Variants in ARHGEF10 observed in about 807,000 individuals in gnomAD.
ARHGEF10 encodes the protein Rho guanine nucleotide exchange factor 10.
A neutral mutation model predicts 147.4 loss-of-function variants in ARHGEF10; 140 were observed. The ratio of observed to expected loss-of-function variants is 0.95; its 90% CI spans 0.83 to 1.09. The LOEUF is 1.09. Among genes scored for constraint, ARHGEF10 ranks in the 50% least tolerant of loss-of-function variants. ARHGEF10 has a pLI of 0.00. For missense variants in ARHGEF10, 2,222 were observed against 1,752.7 expected (o/e 1.27, Z -4.78); for synonymous variants, 902 against 695.8 (o/e 1.30, Z -4.67).
In ARHGEF10 at chr8:1,923,848, G is replaced by T. The variant is rs770686265; in HGVS notation, c.2462G>T (p.Ser821Ile). Residue 821 changes from serine to isoleucine, a missense_variant, in exon 21 of 29, where the codon AGC becomes ATC. By Grantham distance (142) the Ser-to-Ile change is moderately radical. Coordinates refer to ENST00000349830, the MANE Select transcript of ARHGEF10 (RefSeq NM_014629.4). ...TPAIKESWVN[S>I]LQMAKLALEE... ...GCCATCAAGGAGTCCTGGGTCAACAGCTTACAGATGGCCAAGCTCGCCCTA... is the reference window on the plus strand; with the variant it reads ...GCCATCAAGGAGTCCTGGGTCAACATCTTACAGATGGCCAAGCTCGCCCTA... 1.2e-6 allele frequency: 2 copies of T among 1,614,180 alleles called. No individual in the cohort carries two copies. The highest frequency in any genetic ancestry group is 1.7e-6 in the Non-Finnish European group (2 of 1,180,032).
At chr8:1,934,726 C>G (rs1463514472) in intron 26 of ARHGEF10, among the ~76,000 whole-genome samples, 1 of 152,178 alleles carries the variant, frequency 6.6e-6, no homozygotes, top group Non-Finnish European at 1.5e-5. Flanking sequence ...GAAGACGAAA[C>G]TATAAACCTC....
chr8:1,925,562 A>G (rs529049685), intron 22 of ARHGEF10, among the ~76,000 whole-genome samples, 158 bp downstream of exon 22: 35 of 152,220 alleles, frequency 2.3e-4, no homozygotes, highest in Non-Finnish European at 4.6e-4. Context: ...TGGAAATAAG[A>G]CTGCTGTTGA....
intron 6 of ARHGEF10, among the ~76,000 whole-genome samples, chr8:1,868,610 A>G (rs1206926210): frequency 6.6e-6 from 1 of 152,190 alleles, no homozygotes; most frequent in Non-Finnish European, 1.5e-5. Context: ...CGTGATACAG[A>G]TTGAGAAACA....
intron 14 of ARHGEF10, among the ~76,000 whole-genome samples, chr8:1,897,293 C>G (rs1810055789): frequency 1.3e-5 from 2 of 152,382 alleles, no homozygotes; most frequent in South Asian, 4.1e-4. Context: ...CCTGCTCCTC[C>G]TGGAGCACAG....
intron 7 of ARHGEF10, 52 bp downstream of exon 7, chr8:1,869,302 C>A: frequency 6.8e-7 from 1 of 1,475,842 alleles, no homozygotes; most frequent in Non-Finnish European, 9.5e-7. Context: ...GCAGCCTTTC[C>A]CTCTGGATGC....
chr8:1,921,045 C>T (rs1812249003), intron 18 of ARHGEF10, among the ~76,000 whole-genome samples: 1 of 152,172 alleles, frequency 6.6e-6, no homozygotes, highest in African/African-American at 2.4e-5. Context: ...CTTGGTCTCC[C>T]AAAGCACTGG....
intron 2 of ARHGEF10, among the ~76,000 whole-genome samples, chr8:1,848,406 C>G (rs930431626): frequency 1.3e-5 from 2 of 152,212 alleles, no homozygotes; most frequent in African/African-American, 4.8e-5. Flanking sequence ...AGAAGCCGTT[C>G]TCTAATCCAC....
chr8:1,892,751 A>G (rs894020939), intron 11 of ARHGEF10, among the ~76,000 whole-genome samples: 1 of 152,036 alleles, frequency 6.6e-6, no homozygotes, highest in Non-Finnish European at 1.5e-5. Context: ...GTGTGTTCAT[A>G]TGCGGGAGTG....
At position 1,937,075 on chromosome 8, in the gene ARHGEF10, C is replaced by T. The variant is rs370889497; in HGVS notation, c.3222+3133C>T. 9.2e-5 allele frequency among the ~76,000 whole-genome samples: 14 copies of T among 152,164 alleles called. No homozygotes were observed. The highest frequency in any genetic ancestry group is 6.5e-4 in the Admixed American group (10 of 15,278). ...GAGTCTTTTTTTGACACAGCCTCCCCGACGTCCTTCGAGACCTGGTCTGCT... is the reference window on the plus strand; with the variant it reads ...GAGTCTTTTTTTGACACAGCCTCCCTGACGTCCTTCGAGACCTGGTCTGCT... On this transcript the variant is annotated intron_variant, in intron 26 of 28. Transcript: ENST00000349830. The surrounding 1 kb of genome is among the most constrained non-coding windows in gnomAD (Gnocchi z 4.9).
intron 2 of ARHGEF10, among the ~76,000 whole-genome samples, chr8:1,849,006 C>T (rs1351570272): frequency 6.6e-6 from 1 of 152,124 alleles, no homozygotes; most frequent in African/African-American, 2.4e-5. Context: ...TTGTAAAGCT[C>T]CGTGGCTTTT....
chr8:1,880,556 A>G lies in ARHGEF10; in HGVS notation c.960+392A>G, dbSNP rs1477454542. On this transcript the variant is annotated intron_variant, in intron 9 of 28. Coordinates refer to ENST00000349830, the MANE Select transcript of ARHGEF10 (RefSeq NM_014629.4). ...ATTATTTTTTAAATGAACATTTATA[A>G]AAATATCCAAAATTTTTCAGCGTTT... Among the ~76,000 whole-genome samples, 7 of 152,344 alleles carry G rather than the reference A, an allele frequency of 4.6e-5. No individual in the cohort carries two copies. The East Asian group carries it at 1.4e-3, about 29-fold the overall frequency.
intron 11 of ARHGEF10, among the ~76,000 whole-genome samples, chr8:1,889,047 T>G (rs1809117690): frequency 1.3e-5 from 1 of 75,358 alleles, no homozygotes; most frequent in Non-Finnish European, 2.5e-5. Context: ...TGGAGTGGGG[T>G]GCGGGTCATG....
chr8:1,917,511 C>T (rs1811848054), intron 18 of ARHGEF10, among the ~76,000 whole-genome samples: 1 of 152,142 alleles, frequency 6.6e-6, no homozygotes, highest in Non-Finnish European at 1.5e-5. Flanking sequence ...CCACACAAAC[C>T]CTTCCTTGTT....
At chr8:1,908,447 T>A (rs559801634) in intron 17 of ARHGEF10, among the ~76,000 whole-genome samples, 1 of 152,104 alleles carries the variant, frequency 6.6e-6, no homozygotes, top group Non-Finnish European at 1.5e-5. Flanking sequence ...TTAGCCAGGA[T>A]GGTCTCAATC....
intron 25 of ARHGEF10, among the ~76,000 whole-genome samples, chr8:1,930,141 C>G (rs537801586): frequency 5.9e-5 from 9 of 152,076 alleles, no homozygotes; most frequent in Non-Finnish European, 1.2e-4. Context: ...TCACTCAGCT[C>G]TGAGCGCAGG....
chr8:1,902,435 T>C (rs1368845826), intron 15 of ARHGEF10, among the ~76,000 whole-genome samples: 2 of 152,218 alleles, frequency 1.3e-5, no homozygotes, highest in Non-Finnish European at 1.5e-5. Flanking sequence ...TTGTGCCACA[T>C]ACCCTCCCTT....
chr8:1,879,369 TA>T (rs561933948), intron 8 of ARHGEF10, among the ~76,000 whole-genome samples: 1 of 152,146 alleles, frequency 6.6e-6, no homozygotes, highest in East Asian at 1.9e-4. Flanking sequence ...GATGCCAACA[TA>T]AAAAATGATT....
chr8:1,949,796 C>G (rs910349368), intron 27 of ARHGEF10, among the ~76,000 whole-genome samples: 2 of 152,116 alleles, frequency 1.3e-5, no homozygotes, highest in African/African-American at 4.8e-5. Flanking sequence ...GGAGCCACAG[C>G]CTTTCTCGGT....
At chr8:1,954,301 C>T (rs1056109197) in intron 28 of ARHGEF10, among the ~76,000 whole-genome samples, 19 of 152,018 alleles carry the variant, frequency 1.2e-4, no homozygotes, top group African/African-American at 1.2e-4. Flanking sequence ...ATCATGTTGG[C>T]CAGGCTGGTC....
Sources: gnomAD v4.1 joint callset for allele counts (sites outside exome capture counted in the v4.1 genomes callset) on GRCh38, gnomAD v4.1.1 for gene constraint, Gnocchi (gnomAD v3.1) non-coding constraint, MANE v1.5 for transcripts, NCBI Gene and HGNC (gene_info 2026-07-23, HGNC 2026-07-21) for gene names.